CNTNAP4: variants seen among roughly 807,000 people sequenced by gnomAD.
The protein encoded by CNTNAP4 is contactin-associated protein-like 4.
A neutral mutation model predicts 148.4 loss-of-function variants in CNTNAP4; 98 were observed. The ratio of observed to expected loss-of-function variants is 0.66; its 90% CI spans 0.56 to 0.78. CNTNAP4 has a LOEUF of 0.78. Among genes scored for constraint, CNTNAP4 ranks in the 30% least tolerant of loss-of-function variants. The pLI is 0.00. For synonymous variants in CNTNAP4, 730 were observed against 565.1 expected, an observed-to-expected ratio of 1.29 and a Z score of -4.14; for missense variants, 1,935 against 1,565.6, an observed-to-expected ratio of 1.24 and a Z score of -3.98.
chr16:76,343,052 T>C (rs918795187), intron 2 of CNTNAP4, among the ~76,000 whole-genome samples: 12 of 152,196 alleles, frequency 7.9e-5, no homozygotes, highest in African/African-American at 2.9e-4. Flanking sequence ...ATAAGATTCA[T>C]AGTATTGCCA....
At chr16:76,535,936 A>G (rs919701297) in intron 18 of CNTNAP4, among the ~76,000 whole-genome samples, 152 bp downstream of exon 18, 2 of 152,222 alleles carry the variant, frequency 1.3e-5, no homozygotes, top group African/African-American at 2.4e-5. Context: ...GAATGAGTAC[A>G]AGATCCTGGT....
At chr16:76,291,870 G>T (rs1382815127) in intron 1 of CNTNAP4, among the ~76,000 whole-genome samples, 1 of 152,176 alleles carries the variant, frequency 6.6e-6, no homozygotes, top group Non-Finnish European at 1.5e-5. Flanking sequence ...GTCAATCTTA[G>T]CACAGCATCT....
intron 12 of CNTNAP4, among the ~76,000 whole-genome samples, chr16:76,480,975 A>T (rs2081805114): frequency 6.6e-6 from 1 of 152,230 alleles, no homozygotes; most frequent in South Asian, 2.1e-4. Context: ...TGAAGGATTC[A>T]GCTCTACTGG....
intron 2 of CNTNAP4, among the ~76,000 whole-genome samples, chr16:76,332,945 C>T (rs190357570): frequency 7.2e-5 from 11 of 152,222 alleles, no homozygotes; most frequent in Non-Finnish European, 1.5e-4. Context: ...GGTCAGGTGA[C>T]GGACTGACCA....
chr16:76,495,421 C>T (rs1252364398), intron 14 of CNTNAP4, among the ~76,000 whole-genome samples: 1 of 151,940 alleles, frequency 6.6e-6, no homozygotes, highest in African/African-American at 2.4e-5. Context: ...AATAGTCTAC[C>T]TATAAAAGCT....
At chr16:76,503,473 A>T (rs927270280) in intron 15 of CNTNAP4, among the ~76,000 whole-genome samples, 1 of 152,224 alleles carries the variant, frequency 6.6e-6, no homozygotes, top group African/African-American at 2.4e-5. Flanking sequence ...TTATATTTTT[A>T]AAAAGTGAGT....
intron 23 of CNTNAP4, 103 bp from the exon 24 acceptor site, chr16:76,558,387 C>T: frequency 1.6e-6 from 1 of 631,666 alleles, no homozygotes; most frequent in South Asian, 2.4e-5. Flanking sequence ...GTAGTAGATG[C>T]TTAAAGTGGA....
chr16:76,311,880 C>A (rs953567641), intron 1 of CNTNAP4, among the ~76,000 whole-genome samples: 3 of 152,150 alleles, frequency 2.0e-5, no homozygotes, highest in Admixed American at 2.0e-4. Context: ...GATGATGTGC[C>A]AATCTGATAT....
intron 12 of CNTNAP4, among the ~76,000 whole-genome samples, chr16:76,479,887 G>T (rs2081751855): frequency 1.3e-5 from 2 of 151,854 alleles, no homozygotes; most frequent in Non-Finnish European, 2.9e-5. Flanking sequence ...ACGTCTTCTT[G>T]TATTCTTACA....
chr16:76,394,518 C>G (rs966338017), intron 3 of CNTNAP4, among the ~76,000 whole-genome samples: 3 of 152,164 alleles, frequency 2.0e-5, no homozygotes, highest in Non-Finnish European at 4.4e-5. Flanking sequence ...AAATAATTTC[C>G]TAATTTTCAC....
intron 17 of CNTNAP4, among the ~76,000 whole-genome samples, chr16:76,527,084 G>A (rs1023547389): frequency 1.3e-5 from 2 of 152,094 alleles, no homozygotes; most frequent in Non-Finnish European, 2.9e-5. Context: ...TATACCACAA[G>A]CCATAAGCTT....
intron 3 of CNTNAP4, among the ~76,000 whole-genome samples, chr16:76,370,183 C>T (rs926360014): frequency 1.8e-4 from 28 of 151,574 alleles, no homozygotes; most frequent in African/African-American, 5.9e-4. Context: ...CAATACAAAG[C>T]ATCACAACAG....
At chr16:76,319,109 G>A (rs1025786996) in intron 2 of CNTNAP4, among the ~76,000 whole-genome samples, 1 of 152,086 alleles carries the variant, frequency 6.6e-6, no homozygotes, top group Non-Finnish European at 1.5e-5. Flanking sequence ...GGCTACCATT[G>A]CTACTAAAAG....
chr16:76,379,903 A>T (rs947492628), intron 3 of CNTNAP4, among the ~76,000 whole-genome samples: 3 of 152,170 alleles, frequency 2.0e-5, no homozygotes, highest in African/African-American at 4.8e-5. Flanking sequence ...ATTTTCAAAG[A>T]TATGCTTAAC....
In CNTNAP4 at chr16:76,316,512, A is replaced by G. The variant is rs761550260; in HGVS notation, c.185A>G (p.Asn62Ser). 6.2e-7 allele frequency: 1 copy of G among 1,611,252 alleles called. No individual in the cohort carries two copies. Among genetic ancestry groups the G allele is most frequent in the Non-Finnish European group, 8.5e-7 (1 of 1,177,442 alleles). The change falls in exon 2 of 24, where the codon AAT becomes AGT. Residue 62 changes from asparagine (N) to serine (S), a missense_variant. Physicochemically the swap from Asn to Ser is conservative, Grantham distance 46. Transcript: ENST00000611870. Reference sequence around the variant, plus strand: ...CATGGTCCTGGATTTGCAAGGCTGAATAGAAGAGATGGTAAGTCTGCTTTT... The same window carrying G: ...CATGGTCCTGGATTTGCAAGGCTGAGTAGAAGAGATGGTAAGTCTGCTTTT... ...SSHGPGFARL[N>S]RRDGAGGWSP...
At chr16:76,331,936 G>T (rs1384041982) in intron 2 of CNTNAP4, among the ~76,000 whole-genome samples, 1 of 152,114 alleles carries the variant, frequency 6.6e-6, no homozygotes, top group Non-Finnish European at 1.5e-5. Flanking sequence ...GCTTATTCGG[G>T]AATGTCACTT....
At chr16:76,313,516 C>G (rs1961374633) in intron 1 of CNTNAP4, among the ~76,000 whole-genome samples, 1 of 152,178 alleles carries the variant, frequency 6.6e-6, no homozygotes, top group Non-Finnish European at 1.5e-5. Context: ...TTCACCACTC[C>G]ATGGGTTGTA....
At position 76,438,483 on chromosome 16, in the gene CNTNAP4, C is replaced by G. The variant is rs563768322; in HGVS notation, c.539-9529C>G. Reference sequence around the variant, plus strand: ...TTTTTTAAAAAGGGAAGAAAGAAATCCCACAAGAGTATTGCCTTGGGAGTA... The same window carrying G: ...TTTTTTAAAAAGGGAAGAAAGAAATGCCACAAGAGTATTGCCTTGGGAGTA... On this transcript the variant is annotated intron_variant, in intron 4 of 23. Transcript: ENST00000611870. Among the ~76,000 whole-genome samples, 4 of 152,142 alleles carry G rather than the reference C, an allele frequency of 2.6e-5. No individual in the cohort carries two copies. The East Asian group carries it at 7.7e-4, about 29-fold the overall frequency.
intron 8 of CNTNAP4, among the ~76,000 whole-genome samples, chr16:76,460,591 C>G (rs1045587120): frequency 6.2e-5 from 9 of 145,562 alleles, no homozygotes; most frequent in African/African-American, 2.3e-4. Flanking sequence ...GAAACCCCGT[C>G]TCTACTAAAA....
Sources: gnomAD v4.1 joint callset for allele counts (sites outside exome capture counted in the v4.1 genomes callset) on GRCh38, gnomAD v4.1.1 for gene constraint, MANE v1.5 for transcripts, NCBI Gene and HGNC (gene_info 2026-07-23, HGNC 2026-07-21) for gene names.